Variants in FAT1 observed in about 807,000 individuals in gnomAD.
The protein encoded by FAT1 is protocadherin Fat 1.
Under a neutral mutation model 329.8 loss-of-function variants are expected in FAT1, and 171 were observed. The ratio of observed to expected loss-of-function variants is 0.52; its 90% CI spans 0.46 to 0.59. FAT1 has a LOEUF of 0.59. Among genes scored for constraint, FAT1 ranks in the 20% least tolerant of loss-of-function variants. The probability of loss-of-function intolerance (pLI) is 0.00; values close to 1 mark genes in which losing one functional copy is unlikely to be tolerated. For missense variants in FAT1, 5,672 were observed against 5,774.4 expected (o/e 0.98, Z 0.57); for synonymous variants, 2,233 against 2,228.6 (o/e 1.00, Z -0.06).
chr4:186,594,117 G>C (rs1318730817), intron 26 of FAT1, among the ~76,000 whole-genome samples: 1 of 151,898 alleles, frequency 6.6e-6, no homozygotes, highest in Non-Finnish European at 1.5e-5. Flanking sequence ...CCAGGCTGGA[G>C]TGCAGTGGCG....
chr4:186,714,626 T>C lies in FAT1; in HGVS notation c.-18-4781A>G, dbSNP rs565116051. Among the ~76,000 whole-genome samples, 75 of 151,730 alleles carry C rather than the reference T, an allele frequency of 4.9e-4. No individual in the cohort carries two copies. In the South Asian group the frequency reaches 0.014, roughly 29 times the overall value. On this transcript the variant is annotated intron_variant, in intron 1 of 26. Transcript: ENST00000441802. ...AAATCCAAGAGCAGAACCCCAAGAT[T>C]TGAAGGGTCCAAACGGGAGGCCCTG... is the stretch of plus-strand genomic sequence containing the variant.
At chr4:186,630,146 C>T (rs776198351) in intron 7 of FAT1, among the ~76,000 whole-genome samples, 33 of 152,190 alleles carry the variant, frequency 2.2e-4, no homozygotes, top group Non-Finnish European at 3.4e-4. Context: ...CCTCATAGAG[C>T]CACCAGGCTT....
chr4:186,650,533 A>G (rs1741588784), intron 3 of FAT1, among the ~76,000 whole-genome samples: 1 of 152,214 alleles, frequency 6.6e-6, no homozygotes, highest in African/African-American at 2.4e-5. Flanking sequence ...CATGGGCCTC[A>G]GGGTACAATA....
intron 3 of FAT1, among the ~76,000 whole-genome samples, chr4:186,650,262 T>C (rs1423904916): frequency 6.6e-6 from 1 of 151,978 alleles, no homozygotes; most frequent in Admixed American, 6.6e-5. Flanking sequence ...CAGTTATGAA[T>C]ATACAAAATA....
chr4:186,596,459 A>AC lies in FAT1; in HGVS notation c.13000+80dup, dbSNP rs1738514414. 2.1e-6 allele frequency: 3 copies of AC among 1,453,536 alleles called. No individual in the cohort carries two copies. Among genetic ancestry groups the AC allele is most frequent in the Non-Finnish European group, 2.8e-6 (3 of 1,069,996 alleles). The allele number at this position is 1,453,536 out of a possible 1,614,324, so 90.0% of individuals were successfully genotyped here. ...CATACTTGTCTCTAATGAAGAGTAC[A>AC]CACATTTTGACTGGACAGAATTTGT... On this transcript the variant is annotated intron_variant, in intron 25 of 26. Transcript: ENST00000441802. The surrounding 1 kb of genome is among the most constrained non-coding windows in gnomAD (Gnocchi z 4.7).
At chr4:186,610,682 T>C (rs1478256317) in intron 14 of FAT1, among the ~76,000 whole-genome samples, 5 of 54,166 alleles carry the variant, frequency 9.2e-5, no homozygotes, top group East Asian at 6.0e-4. Flanking sequence ...TATATAAATA[T>C]AAATTATATA....
Position 186,638,829 on chromosome 4 carries a change from TAAAC to T in FAT1, c.3642+889_3642+892del, listed in dbSNP as rs1426458842. Among the ~76,000 whole-genome samples, 5 of 149,650 alleles carry T rather than the reference TAAAC, an allele frequency of 3.3e-5. No homozygotes were observed. The East Asian group carries it at 9.6e-4, about 29-fold the overall frequency. ...GGAAGAAGAGCACTGATAACTCAAT[TAAAC>T]AAAGGCAGGTGGCCTTTTCCAAGGC... is the stretch of plus-strand genomic sequence containing the variant. On this transcript the variant is annotated intron_variant, in intron 4 of 26. Transcript: ENST00000441802.
chr4:186,696,015 T>C (rs1339006689), intron 2 of FAT1, among the ~76,000 whole-genome samples: 1 of 152,224 alleles, frequency 6.6e-6, no homozygotes, highest in African/African-American at 2.4e-5. Flanking sequence ...GATCTTGAAC[T>C]CCTGACCTCA....
At chr4:186,680,610 T>C (rs1458328854) in intron 2 of FAT1, among the ~76,000 whole-genome samples, 1 of 152,184 alleles carries the variant, frequency 6.6e-6, no homozygotes, top group East Asian at 1.9e-4. Context: ...TTCTAAAGCA[T>C]GGTGTTTGGT....
At chr4:186,590,557 C>T (rs930410299) in intron 26 of FAT1, 5 of 468,184 alleles carry the variant, frequency 1.1e-5, no homozygotes, top group African/African-American at 8.0e-5. Context: ...TATGACAATT[C>T]CAAATGGCTG....
In FAT1 at chr4:186,723,808, C is replaced by T. The variant is rs1745586735; in HGVS notation, c.-163G>A. On this transcript the variant is annotated 5_prime_UTR_variant, in exon 1 of 27. Transcript: ENST00000441802. ...ACCTGCCGCACGAGCCGCTCCCGCGCCCTCTCCCCGCGCCCGGCCGCCCAG... is the reference window on the plus strand; with the variant it reads ...ACCTGCCGCACGAGCCGCTCCCGCGTCCTCTCCCCGCGCCCGGCCGCCCAG... The T allele has an allele frequency of 6.6e-6, 1 of 150,770 alleles. No homozygotes were observed. The highest frequency in any genetic ancestry group is 1.5e-5 in the Non-Finnish European group (1 of 67,698). The allele number at this position is 150,770 out of a possible 1,614,324, so 9.3% of individuals were successfully genotyped here.
chr4:186,722,118 G>A (rs1370885615), intron 1 of FAT1, among the ~76,000 whole-genome samples: 1 of 152,216 alleles, frequency 6.6e-6, no homozygotes. Flanking sequence ...GTTTACAGGC[G>A]TGAGGCACTA....
At chr4:186,691,933 T>C (rs1389527001) in intron 2 of FAT1, among the ~76,000 whole-genome samples, 1 of 152,168 alleles carries the variant, frequency 6.6e-6, no homozygotes, top group Non-Finnish European at 1.5e-5. Flanking sequence ...CTACTATTTT[T>C]TTTTACCTAT....
intron 2 of FAT1, among the ~76,000 whole-genome samples, chr4:186,678,097 A>G (rs1366783767): frequency 6.6e-6 from 1 of 152,212 alleles, no homozygotes; most frequent in East Asian, 1.9e-4. Context: ...CTTTAATACT[A>G]ACCATTAATA....
intron 6 of FAT1, among the ~76,000 whole-genome samples, chr4:186,635,225 G>A (rs1740770899): frequency 6.6e-6 from 1 of 152,030 alleles, no homozygotes; most frequent in South Asian, 2.1e-4. Flanking sequence ...GGGGAAAAAT[G>A]GACATAAAGT....
chr4:186,638,615 GCACACACA>G (rs35176185), intron 4 of FAT1, among the ~76,000 whole-genome samples: 3 of 139,938 alleles, frequency 2.1e-5, no homozygotes, highest in South Asian at 2.4e-4. Flanking sequence ...AGTTCCCAAT[GCACACACA>G]CACACACACA....
At position 186,707,997 on chromosome 4, in the gene FAT1, C is replaced by G. The variant is rs535920645; in HGVS notation, c.1831G>C (p.Glu611Gln). 5 of 1,613,910 alleles carry G rather than the reference C, an allele frequency of 3.1e-6. 1 individual carries two copies. In the South Asian group the frequency reaches 5.5e-5, roughly 18 times the overall value. ...LVQYQIEAGNELDFFSLNPNS... is the reference protein window; with the variant it reads ...LVQYQIEAGNQLDFFSLNPNS... Reference sequence around the variant, plus strand: ...GGGTTTAAACTAAAGAAATCCAGTTCATTTCCAGCTTCAATCTGATACTGT... The same window carrying G: ...GGGTTTAAACTAAAGAAATCCAGTTGATTTCCAGCTTCAATCTGATACTGT... The change falls in exon 2 of 27, where the codon GAA (glutamate) becomes CAA (glutamine). Residue 611 changes from glutamate to glutamine, a missense_variant. Glu to Gln is a conservative substitution (Grantham distance 29). This residue lies in a region of FAT1 where 3,966 missense variants were observed against 3,915.2 expected (regional missense o/e 1.01). Coordinates refer to ENST00000441802, the MANE Select transcript of FAT1 (RefSeq NM_005245.4).
intron 2 of FAT1, among the ~76,000 whole-genome samples, chr4:186,668,606 C>T (rs1742576877): frequency 6.6e-6 from 1 of 152,180 alleles, no homozygotes; most frequent in Non-Finnish European, 1.5e-5. Context: ...CACCAGCTGT[C>T]TCCAAGTATG....
intron 1 of FAT1, among the ~76,000 whole-genome samples, chr4:186,710,646 T>C (rs1744905300): frequency 6.6e-6 from 1 of 152,166 alleles, no homozygotes; most frequent in African/African-American, 2.4e-5. Flanking sequence ...TATATCAATG[T>C]TTTATCACCA....
Sources: gnomAD v4.1 joint callset for allele counts (sites outside exome capture counted in the v4.1 genomes callset) on GRCh38, gnomAD v4.1.1 for gene constraint, gnomAD v4.1.1 regional missense constraint, Gnocchi (gnomAD v3.1) non-coding constraint, MANE v1.5 for transcripts, NCBI Gene and HGNC (gene_info 2026-07-23, HGNC 2026-07-21) for gene names.